Variants in RO60 observed in about 807,000 individuals in gnomAD.
The protein encoded by RO60 is RNA-binding protein RO60.
RO60 carries 20 observed loss-of-function variants against 55.3 expected under a neutral mutation model. The ratio of observed to expected loss-of-function variants is 0.36; its 90% CI spans 0.25 to 0.53. RO60 has a LOEUF of 0.53. Ranked by LOEUF, RO60 falls within the 20% of genes least tolerant of loss-of-function variation. The pLI, the probability that RO60 is intolerant of heterozygous loss-of-function variation, is 0.92. For missense variants in RO60, 558 were observed against 646.6 expected (o/e 0.86, Z 1.49); for synonymous variants, 213 against 213.6 (o/e 1.00, Z 0.02).
At chr1:193,077,955 G>A (rs1572093699) in intron 5 of RO60, among the ~76,000 whole-genome samples, 1 of 152,106 alleles carries the variant, frequency 6.6e-6, no homozygotes, top group African/African-American at 2.4e-5. Context: ...GAGTTTTTTA[G>A]TAATGGAAAT....
chr1:193,084,004 G>T (rs1242927276), intron 8 of RO60, among the ~76,000 whole-genome samples: 1 of 152,172 alleles, frequency 6.6e-6, no homozygotes, highest in Non-Finnish European at 1.5e-5. Context: ...ACCTCTTAGA[G>T]TTGTTTTAAC....
Position 193,059,932 on chromosome 1 carries a change from C to T in RO60, c.-22+156C>T, listed in dbSNP as rs756565624. 2.2e-6 allele frequency: 3 copies of T among 1,366,348 alleles called. No homozygotes were observed. The highest frequency in any genetic ancestry group is 2.9e-6 in the Non-Finnish European group (3 of 1,021,772). The allele number at this position is 1,366,348 out of a possible 1,614,324, so 84.6% of individuals were successfully genotyped here. On this transcript the variant is annotated intron_variant, in intron 1 of 8. Coordinates refer to ENST00000400968, the MANE Select transcript of RO60 (RefSeq NM_001173524.2). This position sits in a 1 kb window ranked among gnomAD's most constrained non-coding sequence, Gnocchi z 4.9. ...GCTCTTCCCCGTCCCGCTTCCGCGCCTGTCCACCCTGGGTAACGGAACCAG... is the reference window on the plus strand; with the variant it reads ...GCTCTTCCCCGTCCCGCTTCCGCGCTTGTCCACCCTGGGTAACGGAACCAG...
At chr1:193,067,763 A>G (rs187518769) in intron 1 of RO60, among the ~76,000 whole-genome samples, 40 of 152,304 alleles carry the variant, frequency 2.6e-4, no homozygotes, top group African/African-American at 9.6e-4. Context: ...AGCTAGTTCT[A>G]GGAGTTTTAG....
chr1:193,084,692 T>C lies in RO60; in HGVS notation c.1578T>C (p.Ala526=). 6.2e-7 allele frequency: 1 copy of C among 1,613,704 alleles called. No homozygotes were observed. Among genetic ancestry groups the C allele is most frequent in the Non-Finnish European group, 8.5e-7 (1 of 1,179,838 alleles). The change falls in exon 9 of 9, where the codon GCT becomes GCC. Residue 526 remains alanine, a synonymous_variant. Transcript: ENST00000400968. ...ATATGTGCGGCTTTGATACTGGAGCTCTGGATGTAATTCGAAATTTCACAT... is the reference window on the plus strand; with the variant it reads ...ATATGTGCGGCTTTGATACTGGAGCCCTGGATGTAATTCGAAATTTCACAT... ...MLDMCGFDTG[A]LDVIRNFTLD...
rs751097847 is a variant in RO60 at position 193,059,801 on chromosome 1, T to C, written c.-22+25T>C. The C allele has an allele frequency of 1.5e-6, 2 of 1,356,798 alleles. No individual in the cohort carries two copies. Among genetic ancestry groups the C allele is most frequent in the Non-Finnish European group, 2.0e-6 (2 of 1,017,430 alleles). 84.0% of individuals were successfully genotyped at this position (1,356,798 alleles called of 1,614,324 possible). Reference sequence around the variant, plus strand: ...GGTGAGGACATTGCGGGAGGCCGGCTGGGAGCCTTTTGTGCGGCCCCAGGG... The same window carrying C: ...GGTGAGGACATTGCGGGAGGCCGGCCGGGAGCCTTTTGTGCGGCCCCAGGG... On this transcript the variant is annotated intron_variant, in intron 1 of 8. Coordinates refer to ENST00000400968, the MANE Select transcript of RO60 (RefSeq NM_001173524.2). This position sits in a 1 kb window ranked among gnomAD's most constrained non-coding sequence, Gnocchi z 4.9.
At position 193,085,544 on chromosome 1, in the gene RO60, ACT is replaced by A. The variant is rs775602698; in HGVS notation, c.*814_*815del. ...ATAACATAGCCAGATGTAGTCTCAC[ACT>A]GTTTTTCATACTCTTAAGTGTAAAT... On this transcript the variant is annotated 3_prime_UTR_variant, in exon 9 of 9. Coordinates refer to ENST00000400968, the MANE Select transcript of RO60 (RefSeq NM_001173524.2). 6 of 984,728 alleles carry A rather than the reference ACT, an allele frequency of 6.1e-6. No individual in the cohort carries two copies. Among genetic ancestry groups the A allele is most frequent in the African/African-American group, 1.7e-5 (1 of 57,262 alleles). The allele number at this position is 984,728 out of a possible 1,614,324, so 61.0% of individuals were successfully genotyped here.
chr1:193,079,727 T>C (rs1307349074), intron 5 of RO60, among the ~76,000 whole-genome samples: 3 of 152,098 alleles, frequency 2.0e-5, no homozygotes, highest in Non-Finnish European at 2.9e-5. Flanking sequence ...GGGCCTAATA[T>C]CCAGAATACT....
At chr1:193,060,500 C>G (rs1374897469) in intron 1 of RO60, among the ~76,000 whole-genome samples, 1 of 152,018 alleles carries the variant, frequency 6.6e-6, no homozygotes, top group Admixed American at 6.6e-5. Context: ...CAAGAAAGAC[C>G]TTTGGCTTCC....
chr1:193,085,772 CTTT>C lies in RO60; in HGVS notation c.*1042_*1044del, dbSNP rs555232762. ...ATTCATTTTGTGGCAAAATATTCTT[CTTT>C]GATAGTGTAAACAAATAATAAAGCA... On this transcript the variant is annotated 3_prime_UTR_variant, in exon 9 of 9. Coordinates refer to ENST00000400968, the MANE Select transcript of RO60 (RefSeq NM_001173524.2). 4.8e-5 allele frequency: 47 copies of C among 984,800 alleles called. No homozygotes were observed. In the Admixed American group the frequency reaches 2.3e-3, roughly 48 times the overall value. 61.0% of individuals were successfully genotyped at this position (984,800 alleles called of 1,614,324 possible).
chr1:193,091,448 A>G, downstream of RO60: 2 of 444,672 alleles, frequency 4.5e-6, no homozygotes, highest in Non-Finnish European at 7.9e-6. Context: ...CCCTGAAAGG[A>G]GGGGACAGGG....
intron 1 of RO60, among the ~76,000 whole-genome samples, chr1:193,065,172 A>G (rs966134052): frequency 6.6e-6 from 1 of 152,156 alleles, no homozygotes; most frequent in African/African-American, 2.4e-5. Flanking sequence ...ATGGTTCAGA[A>G]AGTCAACTTT....
intron 4 of RO60, 131 bp downstream of exon 4, chr1:193,076,778 A>C: frequency 7.6e-7 from 1 of 1,323,176 alleles, no homozygotes. Flanking sequence ...TATGGCTCTT[A>C]AGTGTAAGTT....
At chr1:193,060,058 A>G (rs1362898300) in intron 1 of RO60, 8 of 1,326,746 alleles carry the variant, frequency 6.0e-6, no homozygotes, top group Non-Finnish European at 8.0e-6. Flanking sequence ...ATCGCTCCCC[A>G]CAGGCCGACG....
In RO60 at chr1:193,089,600, A is replaced by G. The variant is rs1674771988; in HGVS notation, c.*4869A>G. On this transcript the variant is annotated 3_prime_UTR_variant, in exon 9 of 9. Coordinates refer to ENST00000400968, the MANE Select transcript of RO60 (RefSeq NM_001173524.2). ...ACCAAGTTATATTGGAAAATAGTGGAAAGAAAAAACTAGTGGAGAACATCT... is the reference window on the plus strand; with the variant it reads ...ACCAAGTTATATTGGAAAATAGTGGGAAGAAAAAACTAGTGGAGAACATCT... 1 of 152,142 alleles carries G rather than the reference A, an allele frequency of 6.6e-6. No individual in the cohort carries two copies. Among genetic ancestry groups the G allele is most frequent in the Admixed American group, 6.5e-5 (1 of 15,280 alleles). 9.4% of individuals were successfully genotyped at this position (152,142 alleles called of 1,614,324 possible). A position where few individuals can be genotyped will look rare whatever the true frequency, so the allele number is the denominator to read the frequency against.
At chr1:193,065,123 A>G (rs1258631742) in intron 1 of RO60, among the ~76,000 whole-genome samples, 1 of 152,214 alleles carries the variant, frequency 6.6e-6, no homozygotes, top group Non-Finnish European at 1.5e-5. Flanking sequence ...AAAATGTGTT[A>G]TGGGAAAGAG....
chr1:193,067,793 G>C (rs759990862), intron 1 of RO60, among the ~76,000 whole-genome samples: 1 of 152,178 alleles, frequency 6.6e-6, no homozygotes, highest in African/African-American at 2.4e-5. Flanking sequence ...AAGGAGTAGA[G>C]TGAGGGTAGT....
In RO60 at chr1:193,088,032, A is replaced by C. The variant is rs1381519642; in HGVS notation, c.*3301A>C. 4 of 151,490 alleles carry C rather than the reference A, an allele frequency of 2.6e-5. No homozygotes were observed. Among genetic ancestry groups the C allele is most frequent in the African/African-American group, 9.7e-5 (4 of 41,226 alleles). 9.4% of individuals were successfully genotyped at this position (151,490 alleles called of 1,614,324 possible). A position where few individuals can be genotyped will look rare whatever the true frequency, so the allele number is the denominator to read the frequency against. ...TGCTGTTAACAAACTTTTTTTTTTG[A>C]GACAGGCTATCCCTCTGTCACCCAG... On this transcript the variant is annotated 3_prime_UTR_variant, in exon 9 of 9. Transcript: ENST00000400968.
chr1:193,062,980 A>T (rs1672879931), intron 1 of RO60, among the ~76,000 whole-genome samples: 1 of 152,168 alleles, frequency 6.6e-6, no homozygotes, highest in South Asian at 2.1e-4. Context: ...GTTATGAGTA[A>T]TGTTGATAAA....
chr1:193,079,645 G>C (rs1279480166), intron 5 of RO60, among the ~76,000 whole-genome samples: 1 of 151,860 alleles, frequency 6.6e-6, no homozygotes. Context: ...GTATATTAAA[G>C]GATACTATCA....
Sources: gnomAD v4.1 joint callset for allele counts (sites outside exome capture counted in the v4.1 genomes callset) on GRCh38, gnomAD v4.1.1 for gene constraint, Gnocchi (gnomAD v3.1) non-coding constraint, MANE v1.5 for transcripts, NCBI Gene and HGNC (gene_info 2026-07-23, HGNC 2026-07-21) for gene names.